The following DLGAP1 variants were observed in gnomAD, a reference collection of about 807,000 sequenced individuals.
DLGAP1 encodes DLG associated protein 1.
DLGAP1 carries 11 observed loss-of-function variants against 90.8 expected under a neutral mutation model. The ratio of observed to expected loss-of-function variants is 0.12; its 90% CI spans 0.08 to 0.20. DLGAP1 has a LOEUF of 0.20. Ranked by LOEUF, DLGAP1 falls within the 10% of genes least tolerant of loss-of-function variation. The probability of loss-of-function intolerance (pLI) is 1.00; values close to 1 mark genes in which losing one functional copy is unlikely to be tolerated. For missense variants in DLGAP1, 1,050 were observed against 1,333.8 expected, an observed-to-expected ratio of 0.79 and a Z score of 3.31; for synonymous variants, 558 against 540.7, an observed-to-expected ratio of 1.03 and a Z score of -0.44.
rs111964839 is a variant in DLGAP1, at chr18:3,862,758, A to G, written c.957+16354T>C. Among the ~76,000 whole-genome samples, 147 of 152,400 alleles carry G rather than the reference A, an allele frequency of 9.6e-4. 3 individuals carry two copies. The highest frequency in any genetic ancestry group is 3.3e-3 in the African/African-American group (139 of 41,602). Reference sequence around the variant, plus strand: ...AGGTATGTTACATAATTGACTCCTCAAAACAACTCTACGAGGTAAGTATTT... The same window carrying G: ...AGGTATGTTACATAATTGACTCCTCGAAACAACTCTACGAGGTAAGTATTT... On this transcript the variant is annotated intron_variant, in intron 4 of 12. Transcript: ENST00000315677.
chr18:3,639,893 T>C (rs889490052), intron 7 of DLGAP1, among the ~76,000 whole-genome samples: 12 of 144,742 alleles, frequency 8.3e-5, no homozygotes, highest in African/African-American at 2.3e-4. Context: ...CAGCTGGGAC[T>C]ACAGGCGCCC....
At chr18:3,773,738 A>G (rs2064808057) in intron 5 of DLGAP1, among the ~76,000 whole-genome samples, 1 of 152,220 alleles carries the variant, frequency 6.6e-6, no homozygotes, top group African/African-American at 2.4e-5. Context: ...TCCATGCCAC[A>G]TATTTGTAAA....
chr18:4,172,841 C>T (rs140799503), intron 1 of DLGAP1, among the ~76,000 whole-genome samples: 19 of 152,288 alleles, frequency 1.2e-4, no homozygotes, highest in Admixed American at 9.2e-4. Flanking sequence ...ATGTATTAAA[C>T]GATACAATTC....
Position 4,454,017 on chromosome 18 carries a change from G to A in DLGAP1, c.-267+989C>T, listed in dbSNP as rs939725907. Among the ~76,000 whole-genome samples the A allele has an allele frequency of 1.3e-5, 2 of 152,172 alleles. No homozygotes were observed. Among genetic ancestry groups the A allele is most frequent in the Non-Finnish European group, 2.9e-5 (2 of 68,028 alleles). On this transcript the variant is annotated intron_variant, in intron 1 of 12. Transcript: ENST00000315677. This position sits in a 1 kb window ranked among gnomAD's most constrained non-coding sequence, Gnocchi z 4.7. The stretch of plus-strand genomic sequence containing the variant: ...AGGCAAGCCCTGCAGCCGGGGGCGA[G>A]CGCGGCACTCGGACACAGGCACTCA...
chr18:3,621,101 C>T (rs2058082371), intron 7 of DLGAP1, among the ~76,000 whole-genome samples: 1 of 152,160 alleles, frequency 6.6e-6, no homozygotes, highest in Non-Finnish European at 1.5e-5. Flanking sequence ...TAAGGTTCAC[C>T]TTAAAGATAA....
chr18:3,638,071 C>T (rs1231252974), intron 7 of DLGAP1, among the ~76,000 whole-genome samples: 1 of 151,042 alleles, frequency 6.6e-6, no homozygotes, highest in Non-Finnish European at 1.5e-5. Context: ...CTCAGCCTCC[C>T]GGGTAGCTGG....
intron 3 of DLGAP1, chr18:3,896,272 GCTC>G (rs2071621350): frequency 6.6e-6 from 1 of 152,188 alleles, no homozygotes; most frequent in South Asian, 2.1e-4. Flanking sequence ...TGCTATTCCT[GCTC>G]CTCAATAGCT....
chr18:4,082,510 C>CAAAAAAAAAAAAAAAAAAAAAAAAAAA (rs59735494), intron 2 of DLGAP1, among the ~76,000 whole-genome samples: 2 of 52,096 alleles, frequency 3.8e-5, no homozygotes, highest in African/African-American at 1.8e-4. Context: ...GACTTTGTCT[C>CAAAAAAAAAAAAAAAAAAAAAAAAAAA]AAAAAAAAAA....
intron 3 of DLGAP1, among the ~76,000 whole-genome samples, chr18:3,888,924 G>A (rs1214407732): frequency 6.6e-6 from 1 of 152,106 alleles, no homozygotes; most frequent in Non-Finnish European, 1.5e-5. Flanking sequence ...TTCAGGAGAG[G>A]GTTGGTTATC....
intron 9 of DLGAP1, among the ~76,000 whole-genome samples, chr18:3,544,301 T>C (rs933827254): frequency 5.9e-5 from 9 of 152,082 alleles, no homozygotes; most frequent in South Asian, 2.1e-4. Flanking sequence ...AGGCGCGAGA[T>C]TGCTTGAATC....
chr18:3,712,572 G>A (rs534088573), intron 7 of DLGAP1, among the ~76,000 whole-genome samples: 13 of 152,160 alleles, frequency 8.5e-5, no homozygotes, highest in African/African-American at 1.2e-4. Flanking sequence ...TCCAAGTAGC[G>A]AATAAGCTCT....
chr18:4,293,737 T>C lies in DLGAP1; in HGVS notation c.-266-142450A>G, dbSNP rs74572853. On this transcript the variant is annotated intron_variant, in intron 1 of 12. Coordinates refer to ENST00000315677, the MANE Select transcript of DLGAP1 (RefSeq NM_004746.4). ...TAAAATAATTAACAACTATAGTGCATAATGTATAATTCAAGGGTTTTCTGT... is the reference window on the plus strand; with the variant it reads ...TAAAATAATTAACAACTATAGTGCACAATGTATAATTCAAGGGTTTTCTGT... The C allele has an allele frequency of 3.3e-3, 501 of 152,142 alleles. 3 individuals carry two copies. Among genetic ancestry groups the C allele is most frequent in the African/African-American group, 0.012 (488 of 41,580 alleles). 9.4% of individuals were successfully genotyped at this position (152,142 alleles called of 1,614,324 possible).
chr18:3,858,235 C>A (rs2069772725), intron 4 of DLGAP1, among the ~76,000 whole-genome samples: 1 of 152,056 alleles, frequency 6.6e-6, no homozygotes, highest in Admixed American at 6.6e-5. Context: ...TCTTTCCAGA[C>A]ACCTCAGTAG....
At chr18:3,905,259 C>T (rs915779091) in intron 3 of DLGAP1, among the ~76,000 whole-genome samples, 5 of 141,398 alleles carry the variant, frequency 3.5e-5, no homozygotes, top group African/African-American at 1.0e-4. Flanking sequence ...CCCAGCTACT[C>T]GGGAGGCTGA....
chr18:4,305,116 G>T (rs376349554), intron 1 of DLGAP1, among the ~76,000 whole-genome samples: 1 of 152,090 alleles, frequency 6.6e-6, no homozygotes, highest in African/African-American at 2.4e-5. Flanking sequence ...CTGTGGTGAG[G>T]ACGCACAAAA....
rs556006829 is a variant in DLGAP1, at chr18:3,568,390, T to A, written c.1966-809A>T. On this transcript the variant is annotated intron_variant, in intron 8 of 12. Coordinates refer to ENST00000315677, the MANE Select transcript of DLGAP1 (RefSeq NM_004746.4). ...ACTCCATAGTTTCTAAATAGCTATG[T>A]GTATATTACAGCTATATAGAAAATA... Among the ~76,000 whole-genome samples, 151 of 152,302 alleles carry A rather than the reference T, an allele frequency of 9.9e-4. 3 individuals carry two copies. The South Asian group carries it at 0.031, about 31-fold the overall frequency.
intron 5 of DLGAP1, among the ~76,000 whole-genome samples, chr18:3,762,953 A>T (rs1403433030): frequency 2.0e-5 from 3 of 152,176 alleles, no homozygotes; most frequent in African/African-American, 7.2e-5. Context: ...TATCATCCAC[A>T]TTCTGTAGGA....
chr18:4,388,171 T>C (rs552731110), intron 1 of DLGAP1, among the ~76,000 whole-genome samples: 2 of 151,836 alleles, frequency 1.3e-5, no homozygotes, highest in Admixed American at 6.6e-5. Context: ...GGCTCTGAAT[T>C]AGGGTAAGGG....
intron 4 of DLGAP1, chr18:3,821,792 A>T: frequency 1.9e-6 from 1 of 529,350 alleles, no homozygotes; most frequent in Non-Finnish European, 2.4e-6. Context: ...AGAAGGCTCC[A>T]CCCTGGACTT....
Sources: allele counts gnomAD v4.1 joint callset (sites outside exome capture counted in the v4.1 genomes callset), GRCh38; gene constraint gnomAD v4.1.1; non-coding constraint Gnocchi (gnomAD v3.1); transcripts MANE v1.5; gene names NCBI Gene and HGNC (gene_info 2026-07-23, HGNC 2026-07-21).